Variants in MYBPC1 observed in about 807,000 individuals in gnomAD.
MYBPC1 encodes myosin-binding protein C, slow-type.
Under a neutral mutation model 147.1 loss-of-function variants are expected in MYBPC1, and 52 were observed. That is an observed-to-expected ratio of 0.35 (90% CI 0.28 to 0.45). The LOEUF is 0.45. Among genes scored for constraint, MYBPC1 ranks in the 20% least tolerant of loss-of-function variants. The probability of loss-of-function intolerance (pLI) is 1.00; values close to 1 mark genes in which losing one functional copy is unlikely to be tolerated. For synonymous variants in MYBPC1, 477 were observed against 475.9 expected, an observed-to-expected ratio of 1.00 and a Z score of -0.03; for missense variants, 1,228 against 1,440.3, an observed-to-expected ratio of 0.85 and a Z score of 2.39.
intron 23 of MYBPC1, among the ~76,000 whole-genome samples, chr12:101,669,488 CT>C (rs1463836874): frequency 6.6e-6 from 1 of 152,210 alleles, no homozygotes. Flanking sequence ...GAGAAAGTTA[CT>C]GTCGAACTCC....
In MYBPC1 at chr12:101,644,767, A is replaced by G. The variant is rs1249287064; in HGVS notation, c.936A>G (p.Lys312=). The change falls in exon 12 of 32, where the codon AAA becomes AAG. Residue 312 remains lysine (K), a synonymous_variant. Coordinates refer to ENST00000361466, the MANE Select transcript of MYBPC1 (RefSeq NM_002465.4). ...CAAAGTTGGAGGTGAAATGGTATAA[A>G]AATGGTCAAGAAATTCGACCCAGTA... is the stretch of plus-strand genomic sequence containing the variant. ...ADPKLEVKWY[K]NGQEIRPSTK... The G allele has an allele frequency of 6.2e-7, 1 of 1,614,110 alleles. No homozygotes were observed. The highest frequency in any genetic ancestry group is 1.7e-5 in the Admixed American group (1 of 60,022).
chr12:101,618,854 CGTGTGTGTGTGTGT>C (rs35811344), intron 3 of MYBPC1, among the ~76,000 whole-genome samples: 11 of 136,798 alleles, frequency 8.0e-5, no homozygotes, highest in Admixed American at 2.2e-4. Flanking sequence ...CAAAAACTGC[CGTGTGTGTGTGTGT>C]GTGTGTGTGT....
intron 15 of MYBPC1, 58 bp downstream of exon 15, chr12:101,649,484 A>G (rs2136271862): frequency 6.3e-7 from 1 of 1,585,390 alleles, no homozygotes; most frequent in Middle Eastern, 1.7e-4. Context: ...GGTTGTGTTA[A>G]TTCGGTTTCA....
intron 18 of MYBPC1, among the ~76,000 whole-genome samples, chr12:101,655,673 G>A (rs1172473744): frequency 3.9e-5 from 6 of 152,122 alleles, no homozygotes; most frequent in Non-Finnish European, 8.8e-5. Flanking sequence ...CTAGAATTCT[G>A]TACCCTCTGA....
At chr12:101,661,906 A>AG (rs1896629184) in intron 20 of MYBPC1, among the ~76,000 whole-genome samples, 1 of 48,662 alleles carries the variant, frequency 2.1e-5, no homozygotes, top group Non-Finnish European at 4.9e-5. Flanking sequence ...CAAAAAAAAA[A>AG]AAAAAAAAAG....
intron 11 of MYBPC1, among the ~76,000 whole-genome samples, chr12:101,644,458 G>A (rs954100166): frequency 6.6e-6 from 1 of 152,058 alleles, no homozygotes; most frequent in African/African-American, 2.4e-5. Flanking sequence ...AGAAACATGT[G>A]GATTCTCTTT....
At position 101,617,224 on chromosome 12, in the gene MYBPC1, C is replaced by T. The variant is rs74843538; in HGVS notation, c.84C>T (p.Ala28=). The T allele has an allele frequency of 3.7e-4, 592 of 1,613,654 alleles. 2 individuals carry two copies. The African/African-American group carries it at 6.6e-3, about 18-fold the overall frequency. ...PPEEPSKEKE[A]GTTPAKDEEE... is the part of the protein sequence containing the mutation. ...CAGAACCAAGTAAAGAGAAGGAGGC[C>T]GGAACTACACCAGCAAAAGGTGAGT... The change falls in exon 3 of 32, where the codon GCC becomes GCT. Residue 28 remains alanine, a synonymous_variant. Transcript: ENST00000361466.
At chr12:101,600,757 A>G (rs1879581132) in intron 1 of MYBPC1, among the ~76,000 whole-genome samples, 1 of 152,238 alleles carries the variant, frequency 6.6e-6, no homozygotes, top group Admixed American at 6.5e-5. Context: ...AAACTATATT[A>G]AGAGACACAA....
At chr12:101,688,918 A>C (rs1400069378), downstream of MYBPC1, among the ~76,000 whole-genome samples, 4 of 145,576 alleles carry the variant, frequency 2.7e-5, no homozygotes, top group African/African-American at 1.0e-4. Flanking sequence ...GCACCACTGC[A>C]CTCCCAGCCT....
intron 5 of MYBPC1, 181 bp from the exon 6 acceptor site, chr12:101,629,253 A>G (rs1889291358): frequency 6.3e-6 from 4 of 637,904 alleles, no homozygotes; most frequent in East Asian, 2.8e-5. Flanking sequence ...TACCCCTGTA[A>G]GAATGGGAAT....
At chr12:101,695,060 C>T in the MYBPC1 span, among the ~76,000 whole-genome samples, 1 of 152,194 alleles carries the variant, frequency 6.6e-6, no homozygotes. Flanking sequence ...ACATCTTCAA[C>T]TTCACCAGAT....
chr12:101,626,723 C>T, intron 3 of MYBPC1, 149 bp from the exon 4 acceptor site: 1 of 729,478 alleles, frequency 1.4e-6, no homozygotes, highest in Non-Finnish European at 2.4e-6. Flanking sequence ...TCAGGTTTCA[C>T]TTTTCAGGTA....
At chr12:101,695,128 C>G in the MYBPC1 span, among the ~76,000 whole-genome samples, 4 of 152,170 alleles carry the variant, frequency 2.6e-5, no homozygotes, top group Non-Finnish European at 5.9e-5. Flanking sequence ...CAAACACTTC[C>G]ACTTGGGTAC....
intron 3 of MYBPC1, among the ~76,000 whole-genome samples, chr12:101,618,556 A>G (rs1302041999): frequency 1.3e-5 from 2 of 152,216 alleles, no homozygotes; most frequent in African/African-American, 2.4e-5. Context: ...GCAAGGCTCA[A>G]CCAACAGAGC....
In MYBPC1 at chr12:101,659,750, A is replaced by G. The variant is rs1374308984; in HGVS notation, c.1846A>G (p.Arg616Gly). 1.2e-6 allele frequency: 2 copies of G among 1,614,174 alleles called. No individual in the cohort carries two copies. Among genetic ancestry groups the G allele is most frequent in the Non-Finnish European group, 1.7e-6 (2 of 1,179,994 alleles). ...CACTCTGGTCATTGATATAGCTGAA[A>G]GAGATGACTCTGGTGTTTACCACAT... ...SSTLVIDIAE[R>G]DDSGVYHINL... The change falls in exon 19 of 32, where the codon AGA (arginine) becomes GGA (glycine). Residue 616 changes from arginine (R) to glycine (G), a missense_variant. This residue lies in a region of MYBPC1 where 1,077 missense variants were observed against 1,314.2 expected (regional missense o/e 0.82). Transcript: ENST00000361466.
chr12:101,634,643 A>T, intron 9 of MYBPC1, 38 bp downstream of exon 9: 1 of 1,495,604 alleles, frequency 6.7e-7, no homozygotes, highest in Non-Finnish European at 9.3e-7. Context: ...CTTTTGTATA[A>T]CACAGAAGTG....
At chr12:101,690,853 G>C (rs567357430), downstream of MYBPC1, among the ~76,000 whole-genome samples, 9 of 152,234 alleles carry the variant, frequency 5.9e-5, no homozygotes, top group East Asian at 5.8e-4. Flanking sequence ...ATTTTGTAAA[G>C]TACCATAGTT....
At chr12:101,692,138 GGGA>G in the MYBPC1 span, among the ~76,000 whole-genome samples, 1 of 152,186 alleles carries the variant, frequency 6.6e-6, no homozygotes, top group African/African-American at 2.4e-5. Flanking sequence ...ATGAGACTTA[GGGA>G]GGAGAATTGG....
At chr12:101,665,085 T>C (rs1897204465) in intron 22 of MYBPC1, among the ~76,000 whole-genome samples, 1 of 152,166 alleles carries the variant, frequency 6.6e-6, no homozygotes, top group African/African-American at 2.4e-5. Flanking sequence ...TACAGCAAAA[T>C]GATAGATGGC....
Sources: gnomAD v4.1 joint callset for allele counts (sites outside exome capture counted in the v4.1 genomes callset) on GRCh38, gnomAD v4.1.1 for gene constraint, gnomAD v4.1.1 regional missense constraint, MANE v1.5 for transcripts, NCBI Gene and HGNC (gene_info 2026-07-23, HGNC 2026-07-21) for gene names.